The following SLC25A33 variants were observed in gnomAD, a reference collection of about 807,000 sequenced individuals.
The protein encoded by SLC25A33 is solute carrier family 25 member 33, also known as bone marrow stromal cell mitochondrial carrier protein.
A neutral mutation model predicts 35.5 loss-of-function variants in SLC25A33; 15 were observed. The observed-to-expected ratio is 0.42, with a 90% CI of 0.28 to 0.65. SLC25A33 has a LOEUF of 0.65. Among genes scored for constraint, SLC25A33 ranks in the 30% least tolerant of loss-of-function variants. SLC25A33 has a pLI of 0.20. For missense variants in SLC25A33, 257 were observed against 398.5 expected, an observed-to-expected ratio of 0.64 and a Z score of 3.02; for synonymous variants, 136 against 148.7, an observed-to-expected ratio of 0.91 and a Z score of 0.62.
intron 1 of SLC25A33, among the ~76,000 whole-genome samples, chr1:9,548,957 TGGGCA>T (rs1643218917): frequency 1.3e-5 from 2 of 152,152 alleles, no homozygotes; most frequent in African/African-American, 4.8e-5. Context: ...TTGGGGTGTG[TGGGCA>T]GAGAGGATTT....
intron 2 of SLC25A33, among the ~76,000 whole-genome samples, chr1:9,554,655 G>C (rs1643315916): frequency 6.6e-6 from 1 of 152,044 alleles, no homozygotes; most frequent in Admixed American, 6.6e-5. Context: ...CACCACACCA[G>C]CTTTTTTTTT....
At chr1:9,551,335 T>C (rs545826239) in intron 1 of SLC25A33, among the ~76,000 whole-genome samples, 1 of 152,278 alleles carries the variant, frequency 6.6e-6, no homozygotes, top group South Asian at 2.1e-4. Context: ...ATCGCACCAC[T>C]GCACTCCCAG....
intron 3 of SLC25A33, among the ~76,000 whole-genome samples, chr1:9,567,658 A>G (rs542193831): frequency 6.6e-6 from 1 of 152,354 alleles, no homozygotes; most frequent in Admixed American, 6.5e-5. Flanking sequence ...CAGCAGCATT[A>G]GTATTGTATG....
At chr1:9,571,046 TC>T (rs140446604) in intron 4 of SLC25A33, among the ~76,000 whole-genome samples, 3,211 of 152,140 alleles carry the variant, frequency 0.021, 117 homozygotes, top group African/African-American at 0.074. Flanking sequence ...AGAGTTTCTT[TC>T]TTCAGATTCC....
chr1:9,576,922 C>T, intron 5 of SLC25A33: 1 of 1,301,440 alleles, frequency 7.7e-7, no homozygotes, highest in Admixed American at 1.7e-5. Context: ...TTAAGGATAT[C>T]AGGAAGTTTG....
chr1:9,581,789 AC>A (rs1643748257), intron 6 of SLC25A33, among the ~76,000 whole-genome samples: 1 of 152,012 alleles, frequency 6.6e-6, no homozygotes, highest in African/African-American at 2.4e-5. Flanking sequence ...TCCATAGTTG[AC>A]CAAATCCTAG....
intron 2 of SLC25A33, among the ~76,000 whole-genome samples, chr1:9,566,674 C>G (rs961881872): frequency 6.6e-6 from 1 of 151,860 alleles, no homozygotes; most frequent in Non-Finnish European, 1.5e-5. Flanking sequence ...TGGAGAAACC[C>G]CATCTCTACT....
At chr1:9,570,466 C>T (rs1468398957) in intron 4 of SLC25A33, 108 bp downstream of exon 4, 4 of 948,744 alleles carry the variant, frequency 4.2e-6, no homozygotes, top group South Asian at 1.6e-5. Flanking sequence ...TTCCTTTGCA[C>T]CTAAAATTGT....
At chr1:9,564,765 T>TATACACAC (rs59741987) in intron 2 of SLC25A33, among the ~76,000 whole-genome samples, 5 of 114,842 alleles carry the variant, frequency 4.4e-5, no homozygotes, top group African/African-American at 1.6e-4. Flanking sequence ...TATATATATA[T>TATACACAC]ACACAAAAAT....
intron 5 of SLC25A33, chr1:9,576,681 C>G (rs1252622846): frequency 1.5e-6 from 1 of 648,762 alleles, no homozygotes; most frequent in Admixed American, 1.8e-5. Flanking sequence ...GCTTCTGTTA[C>G]AAGATGAGGT....
chr1:9,562,394 T>C (rs1643436209), intron 2 of SLC25A33, among the ~76,000 whole-genome samples: 1 of 151,418 alleles, frequency 6.6e-6, no homozygotes, highest in African/African-American at 2.4e-5. Context: ...CTGTTGTCTA[T>C]AATCTCATCT....
intron 2 of SLC25A33, among the ~76,000 whole-genome samples, chr1:9,554,075 A>T (rs1483982952): frequency 6.6e-6 from 1 of 152,244 alleles, no homozygotes; most frequent in Non-Finnish European, 1.5e-5. Context: ...GTTGCATCAC[A>T]TCATTGCTCT....
intron 5 of SLC25A33, among the ~76,000 whole-genome samples, chr1:9,577,439 C>T (rs1643676535): frequency 6.6e-6 from 1 of 152,024 alleles, no homozygotes; most frequent in African/African-American, 2.4e-5. Flanking sequence ...TGCACCATTG[C>T]ACTCCACCCT....
At chr1:9,558,590 G>A (rs1243845480) in intron 2 of SLC25A33, among the ~76,000 whole-genome samples, 1 of 152,184 alleles carries the variant, frequency 6.6e-6, no homozygotes, top group East Asian at 1.9e-4. Flanking sequence ...CCCTGTCTCT[G>A]TTAGAGGCAG....
chr1:9,550,011 A>ATATATGTT (rs754618497), intron 1 of SLC25A33, among the ~76,000 whole-genome samples: 8 of 48,866 alleles, frequency 1.6e-4, no homozygotes, highest in African/African-American at 6.3e-4. Flanking sequence ...ATATATATAT[A>ATATATGTT]TTTTTTTTTT....
intron 2 of SLC25A33, among the ~76,000 whole-genome samples, chr1:9,558,540 CA>C (rs1485051800): frequency 6.6e-6 from 1 of 152,192 alleles, no homozygotes; most frequent in Non-Finnish European, 1.5e-5. Context: ...GTAACATGAG[CA>C]AAACAGAACT....
At position 9,578,135 on chromosome 1, in the gene SLC25A33, G is replaced by A. The variant is rs893531297; in HGVS notation, c.483-1819G>A. On this transcript the variant is annotated intron_variant, in intron 5 of 6. Transcript: ENST00000302692. This position sits in a 1 kb window ranked among gnomAD's most constrained non-coding sequence, Gnocchi z 4.3. Reference sequence around the variant, plus strand: ...GGGTTTCACCGTGTTAGCCAGGATGGTCTCGATCTCCTGACCTCGTGATCT... The same window carrying A: ...GGGTTTCACCGTGTTAGCCAGGATGATCTCGATCTCCTGACCTCGTGATCT... Among the ~76,000 whole-genome samples, 3 of 152,114 alleles carry A rather than the reference G, an allele frequency of 2.0e-5. No individual in the cohort carries two copies. Among genetic ancestry groups the A allele is most frequent in the Non-Finnish European group, 4.4e-5 (3 of 68,036 alleles).
At chr1:9,577,233 G>A (rs575011171) in intron 5 of SLC25A33, among the ~76,000 whole-genome samples, 7 of 152,072 alleles carry the variant, frequency 4.6e-5, no homozygotes, top group Non-Finnish European at 1.0e-4. Flanking sequence ...CGAGGTGTGC[G>A]GATCACTTGA....
At chr1:9,544,324 A>G (rs965803250) in intron 1 of SLC25A33, among the ~76,000 whole-genome samples, 1 of 148,262 alleles carries the variant, frequency 6.7e-6, no homozygotes, top group Non-Finnish European at 1.5e-5. Flanking sequence ...GCTGGAGTGC[A>G]GTGGTGACAT....
Sources: gnomAD v4.1 joint callset for allele counts (sites outside exome capture counted in the v4.1 genomes callset) on GRCh38, gnomAD v4.1.1 for gene constraint, Gnocchi (gnomAD v3.1) non-coding constraint, MANE v1.5 for transcripts, NCBI Gene and HGNC (gene_info 2026-07-23, HGNC 2026-07-21) for gene names.